Variants in DNMBP observed in about 807,000 individuals in gnomAD.
DNMBP encodes the protein dynamin binding protein.
A neutral mutation model predicts 150.0 loss-of-function variants in DNMBP; 87 were observed. The observed-to-expected ratio is 0.58, with a 90% CI of 0.49 to 0.69. DNMBP has a LOEUF of 0.69. DNMBP is among the 30% of genes least tolerant of loss of function. The pLI, the probability that DNMBP is intolerant of heterozygous loss-of-function variation, is 0.00. For synonymous variants in DNMBP, 711 were observed against 750.4 expected (o/e 0.95, Z 0.86); for missense variants, 1,774 against 1,949.0 (o/e 0.91, Z 1.69).
intron 4 of DNMBP, among the ~76,000 whole-genome samples, chr10:99,936,508 C>A (rs1214047739): frequency 4.4e-5 from 6 of 137,676 alleles, no homozygotes; most frequent in Non-Finnish European, 9.4e-5. Flanking sequence ...CTGAAGATTT[C>A]TTTTTTCTTT....
chr10:99,999,026 G>A (rs1464516765), intron 1 of DNMBP, among the ~76,000 whole-genome samples: 9 of 152,208 alleles, frequency 5.9e-5, no homozygotes, highest in Non-Finnish European at 1.0e-4. Context: ...GGTGCCACGT[G>A]GTTTCTGTCT....
intron 4 of DNMBP, among the ~76,000 whole-genome samples, chr10:99,953,602 T>A (rs971034449): frequency 2.0e-5 from 3 of 152,154 alleles, no homozygotes; most frequent in Admixed American, 2.0e-4. Context: ...GGTGGATCAC[T>A]CGAGGTCAGG....
chr10:99,945,085 C>T (rs1389676413), intron 4 of DNMBP, among the ~76,000 whole-genome samples: 1 of 152,070 alleles, frequency 6.6e-6, no homozygotes, highest in African/African-American at 2.4e-5. Context: ...TTAAGTTGGA[C>T]CTGGGCTGAG....
At chr10:99,892,507 A>G (rs993868953) in intron 11 of DNMBP, among the ~76,000 whole-genome samples, 9 of 126,460 alleles carry the variant, frequency 7.1e-5, no homozygotes, top group Admixed American at 5.9e-4. Flanking sequence ...TCAGGGTTAA[A>G]TGGATTAAGG....
At chr10:99,953,743 C>T (rs1182298595) in intron 4 of DNMBP, among the ~76,000 whole-genome samples, 1 of 148,782 alleles carries the variant, frequency 6.7e-6, no homozygotes, top group African/African-American at 2.5e-5. Context: ...CACTTGAACC[C>T]GGGAGGCACA....
chr10:99,888,943 C>T lies in DNMBP; in HGVS notation c.3167G>A (p.Cys1056Tyr), dbSNP rs745984879. The change falls in exon 12 of 17, where the codon TGT becomes TAT. Residue 1056 changes from cysteine to tyrosine, a missense_variant. By Grantham distance (194) the Cys-to-Tyr change is radical. This residue lies in a region of DNMBP where 1,430 missense variants were observed against 1,492.5 expected (regional missense o/e 0.96). Transcript: ENST00000324109. The stretch of plus-strand genomic sequence containing the variant: ...GCTCACAGCAGCCACCACTTTCACA[C>T]ATGCGGACTCCTGGAGCCAGTTAGG... ...LYLQHIRESA[C>Y]VKVVAAVSMW... is the part of the protein sequence containing the mutation. 9.9e-6 allele frequency: 16 copies of T among 1,614,166 alleles called. No individual in the cohort carries two copies. Among genetic ancestry groups the T allele is most frequent in the East Asian group, 2.2e-5 (1 of 44,882 alleles).
intron 6 of DNMBP, among the ~76,000 whole-genome samples, chr10:99,907,695 C>T (rs751761860): frequency 3.3e-5 from 5 of 152,138 alleles, no homozygotes; most frequent in Admixed American, 6.6e-5. Context: ...TGTGCCTGGC[C>T]GCATTCTGGT....
chr10:99,939,697 TA>T (rs1564739294), intron 4 of DNMBP, among the ~76,000 whole-genome samples: 1 of 152,254 alleles, frequency 6.6e-6, no homozygotes, highest in African/African-American at 2.4e-5. Context: ...TGCTAAGATA[TA>T]GACATAAAGG....
Position 99,956,669 on chromosome 10 carries a change from T to C in DNMBP, c.805A>G (p.Lys269Glu), listed in dbSNP as rs746076549. The change falls in exon 4 of 17, where the codon AAA becomes GAA. Residue 269 changes from lysine to glutamate, a missense_variant. Transcript: ENST00000324109. ...PNELDFEVGDKIRILATLEDG... is the reference protein window; with the variant it reads ...PNELDFEVGDEIRILATLEDG... ...TCCAAGGTCGCCAGAATTCGGATTT[T>C]ATCCCCGACCTCGAAATCCAGCTCA... The C allele has an allele frequency of 6.2e-7, 1 of 1,613,706 alleles. No homozygotes were observed. Among genetic ancestry groups the C allele is most frequent in the Non-Finnish European group, 8.5e-7 (1 of 1,179,674 alleles).
At chr10:99,878,467 C>A (rs2039309662) in intron 16 of DNMBP, among the ~76,000 whole-genome samples, 1 of 151,084 alleles carries the variant, frequency 6.6e-6, no homozygotes, top group African/African-American at 2.4e-5. Flanking sequence ...TAATAACTGT[C>A]TGCTTGGTAG....
At chr10:99,890,641 C>T (rs926483830) in intron 11 of DNMBP, among the ~76,000 whole-genome samples, 2 of 152,078 alleles carry the variant, frequency 1.3e-5, no homozygotes, top group Non-Finnish European at 2.9e-5. Context: ...TCAGTAGCTG[C>T]CCCAATTGTG....
chr10:99,928,489 C>T (rs2040107966), intron 4 of DNMBP, among the ~76,000 whole-genome samples: 1 of 152,158 alleles, frequency 6.6e-6, no homozygotes, highest in South Asian at 2.1e-4. Context: ...AGACAACATA[C>T]AGCATACACA....
chr10:99,998,422 C>T (rs1244585780), intron 1 of DNMBP, among the ~76,000 whole-genome samples: 1 of 151,360 alleles, frequency 6.6e-6, no homozygotes, highest in Non-Finnish European at 1.5e-5. Context: ...TACTAAACTA[C>T]AAAAAACATT....
At chr10:99,919,173 A>G (rs938599770) in intron 4 of DNMBP, among the ~76,000 whole-genome samples, 2 of 152,234 alleles carry the variant, frequency 1.3e-5, no homozygotes, top group African/African-American at 4.8e-5. Flanking sequence ...CAGCTCATAA[A>G]GCAGCATATT....
chr10:99,900,867 G>T (rs2039728797), intron 6 of DNMBP, among the ~76,000 whole-genome samples: 1 of 152,170 alleles, frequency 6.6e-6, no homozygotes, highest in South Asian at 2.1e-4. Context: ...GCATAAATAA[G>T]ACTGGATAAA....
At chr10:99,930,200 A>G (rs1165845550) in intron 4 of DNMBP, 1 of 703,016 alleles carries the variant, frequency 1.4e-6, no homozygotes, top group South Asian at 1.5e-5. Flanking sequence ...AACAATCCTC[A>G]AGATTATGGT....
intron 4 of DNMBP, among the ~76,000 whole-genome samples, chr10:99,917,449 C>T (rs1452810889): frequency 1.3e-5 from 2 of 152,078 alleles, no homozygotes; most frequent in Non-Finnish European, 2.9e-5. Flanking sequence ...TGACAGAAAC[C>T]GAGTTTTTCC....
intron 11 of DNMBP, among the ~76,000 whole-genome samples, chr10:99,890,089 T>C (rs2039534308): frequency 6.6e-6 from 1 of 152,184 alleles, no homozygotes; most frequent in Non-Finnish European, 1.5e-5. Flanking sequence ...CCTTTTGTCT[T>C]TAATATTTAT....
chr10:99,955,381 A>G lies in DNMBP; in HGVS notation c.2093T>C (p.Ile698Thr). The part of the protein sequence containing the change: ...TSPCPLVLVR[I>T]EEMERDLDMY... ...ATCCAAGTCCCGCTCCATTTCCTCAATCCTCACCAGCACTAAGGGGCATGG... is the reference window on the plus strand; with the variant it reads ...ATCCAAGTCCCGCTCCATTTCCTCAGTCCTCACCAGCACTAAGGGGCATGG... The change falls in exon 4 of 17, where the codon ATT becomes ACT. Residue 698 changes from isoleucine to threonine, a missense_variant. Coordinates refer to ENST00000324109, the MANE Select transcript of DNMBP (RefSeq NM_015221.4). 1 of 1,614,064 alleles carries G rather than the reference A, an allele frequency of 6.2e-7. No individual in the cohort carries two copies. Among genetic ancestry groups the G allele is most frequent in the South Asian group, 1.1e-5 (1 of 91,080 alleles).
Sources: allele counts gnomAD v4.1 joint callset (sites outside exome capture counted in the v4.1 genomes callset), GRCh38; gene constraint gnomAD v4.1.1; regional missense constraint gnomAD v4.1.1; transcripts MANE v1.5; gene names NCBI Gene and HGNC (gene_info 2026-07-23, HGNC 2026-07-21).